NR2C1: variants seen among roughly 807,000 people sequenced by gnomAD.
The protein encoded by NR2C1 is TR2 nuclear hormone receptor.
Under a neutral mutation model 74.8 loss-of-function variants are expected in NR2C1, and 33 were observed. The observed-to-expected ratio is 0.44, with a 90% CI of 0.33 to 0.59. NR2C1 has a LOEUF of 0.59. NR2C1 is among the 20% of genes least tolerant of loss of function. NR2C1 has a pLI of 0.02. For missense variants in NR2C1, 568 were observed against 715.6 expected, an observed-to-expected ratio of 0.79 and a Z score of 2.35; for synonymous variants, 225 against 240.6, an observed-to-expected ratio of 0.94 and a Z score of 0.60.
intron 9 of NR2C1, among the ~76,000 whole-genome samples, chr12:95,043,332 G>A (rs1790965317): frequency 1.3e-5 from 2 of 151,896 alleles, no homozygotes; most frequent in African/African-American, 4.8e-5. Context: ...AAAACTAAGG[G>A]AATTACCAAA....
At chr12:95,043,289 G>T (rs904358050) in intron 9 of NR2C1, among the ~76,000 whole-genome samples, 2 of 151,762 alleles carry the variant, frequency 1.3e-5, no homozygotes, top group African/African-American at 4.8e-5. Flanking sequence ...TATCTTTTCA[G>T]AATTACCCAA....
chr12:95,072,455 CAA>C (rs570185714), intron 1 of NR2C1, among the ~76,000 whole-genome samples: 8 of 60,274 alleles, frequency 1.3e-4, no homozygotes, highest in Non-Finnish European at 1.6e-4. Context: ...CTCTCCCTCT[CAA>C]AAAAAAAAAA....
chr12:95,027,021 G>C (rs1869450446), intron 12 of NR2C1, among the ~76,000 whole-genome samples: 1 of 152,046 alleles, frequency 6.6e-6, no homozygotes, highest in Non-Finnish European at 1.5e-5. Context: ...AAATGTTGAC[G>C]TGACAACAGA....
chr12:95,053,312 T>C (rs1873304094), intron 7 of NR2C1, among the ~76,000 whole-genome samples: 1 of 152,050 alleles, frequency 6.6e-6, no homozygotes, highest in African/African-American at 2.4e-5. Context: ...AATGTGTATA[T>C]TACTTGTGCA....
chr12:95,053,690 T>TTTG (rs1278155160), intron 7 of NR2C1, among the ~76,000 whole-genome samples: 2 of 132,402 alleles, frequency 1.5e-5, no homozygotes, highest in Non-Finnish European at 3.5e-5. Context: ...TGTTTTTTTT[T>TTTG]TTTTTTTTTT....
rs759040096 is a variant in NR2C1, at chr12:95,062,458, A to AT, written c.285+49dup. On this transcript the variant is annotated intron_variant, in intron 3 of 13. Coordinates refer to ENST00000333003, the MANE Select transcript of NR2C1 (RefSeq NM_003297.4). ...CTTCATGGCAGGGCTTATGATTAAA[A>AT]TTTTTTTTTTATATATGTAAGAGGA... 3,347 of 1,194,708 alleles carry AT rather than the reference A, an allele frequency of 2.8e-3. 1 individual carries two copies. The highest frequency in any genetic ancestry group is 3.3e-3 in the Non-Finnish European group (2,827 of 852,810). 74.0% of individuals were successfully genotyped at this position (1,194,708 alleles called of 1,614,324 possible).
intron 10 of NR2C1, among the ~76,000 whole-genome samples, chr12:95,034,249 T>A (rs889810875): frequency 2.6e-5 from 4 of 152,188 alleles, no homozygotes; most frequent in Non-Finnish European, 5.9e-5. Context: ...TTCCATTCAG[T>A]ATCCAAGAAG....
At chr12:95,024,032 T>C (rs1346927187) in intron 13 of NR2C1, among the ~76,000 whole-genome samples, 3 of 152,120 alleles carry the variant, frequency 2.0e-5, no homozygotes, top group African/African-American at 7.2e-5. Flanking sequence ...TCAAATTACT[T>C]AGCATCCACA....
intron 9 of NR2C1, among the ~76,000 whole-genome samples, 194 bp downstream of exon 9, chr12:95,048,874 T>C (rs1334491234): frequency 1.3e-5 from 2 of 152,166 alleles, no homozygotes; most frequent in Non-Finnish European, 2.9e-5. Flanking sequence ...TCTGCCCACC[T>C]TGGCCTCCCA....
At chr12:95,066,852 C>T (rs1036590098) in intron 2 of NR2C1, 1 of 155,062 alleles carries the variant, frequency 6.4e-6, no homozygotes, top group Non-Finnish European at 1.4e-5. Context: ...TAAAAATGGT[C>T]TTCACCTGGT....
chr12:95,070,987 G>T (rs922807318), intron 1 of NR2C1, among the ~76,000 whole-genome samples: 13 of 152,184 alleles, frequency 8.5e-5, no homozygotes, highest in Non-Finnish European at 1.5e-4. Context: ...ATCACCTGAG[G>T]TCAAGAGTCC....
chr12:95,046,599 A>G (rs1396886863), intron 9 of NR2C1, among the ~76,000 whole-genome samples: 1 of 152,190 alleles, frequency 6.6e-6, no homozygotes, highest in East Asian at 1.9e-4. Context: ...AAGAAAAAAA[A>G]AATTAAAAAT....
At chr12:95,064,398 C>T (rs1181683845) in intron 2 of NR2C1, among the ~76,000 whole-genome samples, 1 of 151,380 alleles carries the variant, frequency 6.6e-6, no homozygotes, top group African/African-American at 2.4e-5. Context: ...CTGCAGGTAC[C>T]ATCAATATCT....
chr12:95,052,014 A>T (rs894110983), intron 7 of NR2C1, 71 bp from the exon 8 acceptor site: 1 of 959,410 alleles, frequency 1.0e-6, no homozygotes, highest in African/African-American at 1.6e-5. Context: ...ATATCCAATT[A>T]TAGATTATGA....
At chr12:95,030,571 G>A (rs753080615) in intron 11 of NR2C1, 3 of 1,613,240 alleles carry the variant, frequency 1.9e-6, no homozygotes, top group Non-Finnish European at 2.5e-6. Context: ...AGATGGGAAT[G>A]TGATGCTGCC....
intron 7 of NR2C1, among the ~76,000 whole-genome samples, chr12:95,052,165 T>TC (rs1002987584): frequency 6.6e-6 from 1 of 151,902 alleles, no homozygotes; most frequent in African/African-American, 2.4e-5. Context: ...TTTGTTTTTT[T>TC]TTTTTTTGGG....
At chr12:95,055,952 C>CAA (rs3048563) in intron 7 of NR2C1, among the ~76,000 whole-genome samples, 17,361 of 55,834 alleles carry the variant, frequency 0.31, 2,657 homozygotes, top group Non-Finnish European at 0.35. Flanking sequence ...GACTCCGTCT[C>CAA]AAAAAAAAAA....
At chr12:95,071,874 G>C (rs1876683727) in intron 1 of NR2C1, among the ~76,000 whole-genome samples, 1 of 151,216 alleles carries the variant, frequency 6.6e-6, no homozygotes, top group Admixed American at 6.6e-5. Flanking sequence ...TCGGCCTCCG[G>C]AGTTGCTGGG....
intron 8 of NR2C1, among the ~76,000 whole-genome samples, chr12:95,050,698 T>C (rs1872875038): frequency 6.6e-6 from 1 of 151,666 alleles, no homozygotes; most frequent in Admixed American, 6.6e-5. Flanking sequence ...TGAAGTGATC[T>C]TCCCGCCTCA....
Sources: allele counts gnomAD v4.1 joint callset (sites outside exome capture counted in the v4.1 genomes callset), GRCh38; gene constraint gnomAD v4.1.1; transcripts MANE v1.5; gene names NCBI Gene and HGNC (gene_info 2026-07-23, HGNC 2026-07-21).